GABRB3: variants seen among roughly 807,000 people sequenced by gnomAD.
GABRB3 encodes the protein gamma-aminobutyric acid receptor subunit beta-3.
GABRB3 carries 14 observed loss-of-function variants against 52.1 expected under a neutral mutation model. The ratio of observed to expected loss-of-function variants is 0.27; its 90% confidence interval spans 0.18 to 0.42. The LOEUF (loss-of-function observed/expected upper bound fraction) is 0.42, where lower values mean the gene tolerates loss of function less well. Among genes scored for constraint, GABRB3 ranks in the 10% least tolerant of loss-of-function variants. The probability of loss-of-function intolerance (pLI) is 1.00; values close to 1 mark genes in which losing one functional copy is unlikely to be tolerated. For missense variants in GABRB3, 307 were observed against 609.1 expected (o/e 0.50, Z 5.22); for synonymous variants, 260 against 232.3 (o/e 1.12, Z -1.08).
chr15:26,711,443 ATTCTAAATCCACTGCTCCGC>A (rs1278721282), intron 3 of GABRB3, among the ~76,000 whole-genome samples: 1 of 138,790 alleles, frequency 7.2e-6, no homozygotes, highest in Non-Finnish European at 1.6e-5. Flanking sequence ...GATGTGGCAT[ATTCTAAATCCACTGCTCCGC>A]TCGGCCTCAT....
chr15:26,764,195 T>C (rs1480687561), intron 3 of GABRB3, among the ~76,000 whole-genome samples: 1 of 4,202 alleles, frequency 2.4e-4, no homozygotes, highest in African/African-American at 9.9e-4. Context: ...TATATATATA[T>C]ATATATATAT....
intron 3 of GABRB3, among the ~76,000 whole-genome samples, chr15:26,652,597 T>A (rs906896660): frequency 6.6e-6 from 1 of 152,042 alleles, no homozygotes; most frequent in African/African-American, 2.4e-5. Context: ...TAAATATATA[T>A]GTAGAAGTAT....
At chr15:26,743,840 G>A (rs1890270770) in intron 3 of GABRB3, among the ~76,000 whole-genome samples, 1 of 152,184 alleles carries the variant, frequency 6.6e-6, no homozygotes, top group African/African-American at 2.4e-5. Flanking sequence ...GATGAATGCA[G>A]ATGCACACAA....
At chr15:26,622,309 G>A (rs1240139254) in intron 3 of GABRB3, among the ~76,000 whole-genome samples, 1 of 152,126 alleles carries the variant, frequency 6.6e-6, no homozygotes, top group Non-Finnish European at 1.5e-5. Context: ...AGTTTATCGA[G>A]AACAAAGTGG....
chr15:26,643,463 C>T (rs1017854914), intron 3 of GABRB3, among the ~76,000 whole-genome samples: 1 of 152,204 alleles, frequency 6.6e-6, no homozygotes, highest in African/African-American at 2.4e-5. Context: ...CTAAGGGTAC[C>T]AGCCAAAGGG....
intron 3 of GABRB3, among the ~76,000 whole-genome samples, chr15:26,678,604 C>A (rs549432239): frequency 2.0e-5 from 3 of 151,622 alleles, no homozygotes; most frequent in Non-Finnish European, 4.4e-5. Flanking sequence ...GAGAGAGATA[C>A]AGAGAGGAAG....
At chr15:26,751,078 A>G (rs1890494511) in intron 3 of GABRB3, among the ~76,000 whole-genome samples, 1 of 152,098 alleles carries the variant, frequency 6.6e-6, no homozygotes, top group African/African-American at 2.4e-5. Flanking sequence ...CTTTCCAGAT[A>G]ACAAAAGATT....
intron 3 of GABRB3, among the ~76,000 whole-genome samples, chr15:26,675,292 G>C (rs560185835): frequency 4.3e-4 from 66 of 152,286 alleles, no homozygotes; most frequent in African/African-American, 1.4e-3. Context: ...ACTGAAGAGT[G>C]GAGCACTGGC....
At chr15:26,615,763 T>C (rs1368518039) in intron 4 of GABRB3, 13 of 1,133,078 alleles carry the variant, frequency 1.1e-5, no homozygotes, top group African/African-American at 6.4e-5. Flanking sequence ...AGGAGCTAAG[T>C]GGCGACTGAC....
At chr15:26,580,534 T>A in intron 5 of GABRB3, 78 bp from the exon 6 acceptor site, 1 of 1,582,058 alleles carries the variant, frequency 6.3e-7, no homozygotes, top group Non-Finnish European at 8.7e-7. Flanking sequence ...ATCATTAACA[T>A]GGAGGTTGCG....
intron 3 of GABRB3, among the ~76,000 whole-genome samples, chr15:26,758,325 G>C (rs4453447): frequency 0.13 from 20,436 of 152,196 alleles, 2,020 homozygotes; most frequent in East Asian, 0.32. Context: ...TCAATTAACA[G>C]AGGCTTGCTT....
chr15:26,584,466 T>C (rs1414959746), intron 4 of GABRB3, among the ~76,000 whole-genome samples: 1 of 152,240 alleles, frequency 6.6e-6, no homozygotes, highest in Non-Finnish European at 1.5e-5. Flanking sequence ...GGCTGGATTC[T>C]GCTATTACAG....
intron 3 of GABRB3, among the ~76,000 whole-genome samples, chr15:26,684,887 A>G (rs1309836858): frequency 6.6e-6 from 1 of 152,226 alleles, no homozygotes; most frequent in Non-Finnish European, 1.5e-5. Context: ...GAAAAGTTTC[A>G]AATATTGCAA....
chr15:26,765,129 C>CAAAAAAA (rs3917083), intron 3 of GABRB3, among the ~76,000 whole-genome samples: 1 of 111,044 alleles, frequency 9.0e-6, no homozygotes, highest in Non-Finnish European at 1.7e-5. Flanking sequence ...GACTCCGACT[C>CAAAAAAA]AAAAAAAAAA....
intron 3 of GABRB3, among the ~76,000 whole-genome samples, chr15:26,760,372 G>A (rs1014516036): frequency 6.6e-6 from 1 of 152,144 alleles, no homozygotes; most frequent in African/African-American, 2.4e-5. Context: ...GAGTCTGAAC[G>A]ACTTGCCAGA....
At chr15:26,554,175 A>AAGTGT (rs1397152466) in intron 8 of GABRB3, among the ~76,000 whole-genome samples, 10 of 14,278 alleles carry the variant, frequency 7.0e-4, no homozygotes, top group Admixed American at 1.5e-3. Context: ...ATATATATAA[A>AAGTGT]GTATATATAT....
chr15:26,712,071 C>T lies in GABRB3; in HGVS notation c.240+60331G>A, dbSNP rs547892932. Among the ~76,000 whole-genome samples, 11 of 152,138 alleles carry T rather than the reference C, an allele frequency of 7.2e-5. No homozygotes were observed. In the East Asian group the frequency reaches 2.1e-3, roughly 29 times the overall value. ...CAGACGTCATGCACTGGTGAGACAGCAGGTTGGAGCACAGGGCCTAAGTGG... is the reference window on the plus strand; with the variant it reads ...CAGACGTCATGCACTGGTGAGACAGTAGGTTGGAGCACAGGGCCTAAGTGG... On this transcript the variant is annotated intron_variant, in intron 3 of 8. Transcript: ENST00000311550.
chr15:26,667,121 C>G (rs1270475867), intron 3 of GABRB3, among the ~76,000 whole-genome samples: 1 of 152,132 alleles, frequency 6.6e-6, no homozygotes, highest in African/African-American at 2.4e-5. Context: ...CGCTTCGGTC[C>G]CGAACGCATC....
intron 3 of GABRB3, among the ~76,000 whole-genome samples, chr15:26,622,954 A>G (rs1019507835): frequency 2.0e-5 from 3 of 152,212 alleles, no homozygotes; most frequent in African/African-American, 7.2e-5. Context: ...CTTGTCTTCA[A>G]GTTAAAGGAG....
Sources: allele counts gnomAD v4.1 joint callset (sites outside exome capture counted in the v4.1 genomes callset), GRCh38; gene constraint gnomAD v4.1.1; transcripts MANE v1.5; gene names NCBI Gene and HGNC (gene_info 2026-07-23, HGNC 2026-07-21).